Variants in NCKAP1 observed in about 807,000 individuals in gnomAD.
The protein encoded by NCKAP1 is nck-associated protein 1.
A neutral mutation model predicts 151.2 loss-of-function variants in NCKAP1; 21 were observed. That is an observed-to-expected ratio of 0.14 (90% CI 0.10 to 0.20). The LOEUF (loss-of-function observed/expected upper bound fraction) is 0.20, where lower values mean the gene tolerates loss of function less well. NCKAP1 is among the 10% of genes least tolerant of loss of function. The pLI, the probability that NCKAP1 is intolerant of heterozygous loss-of-function variation, is 1.00. For synonymous variants in NCKAP1, 484 were observed against 451.8 expected (o/e 1.07, Z -0.90); for missense variants, 933 against 1,352.1 (o/e 0.69, Z 4.86).
Position 182,976,963 on chromosome 2 carries a change from GAA to G in NCKAP1, c.1424-14_1424-13del, listed in dbSNP as rs144939357. 1.1e-3 allele frequency: 1,287 copies of G among 1,166,554 alleles called. No homozygotes were observed. The highest frequency in any genetic ancestry group is 2.2e-3 in the South Asian group (124 of 57,214). 72.3% of individuals were successfully genotyped at this position (1,166,554 alleles called of 1,614,324 possible). A position where few individuals can be genotyped will look rare whatever the true frequency, so the allele number is the denominator to read the frequency against. ...TTCCCCATCTTCAACTGTAGTAATA[GAA>G]AAAAAAAAAAGATTACAAAGCAAAT... On this transcript the variant is annotated splice_polypyrimidine_tract_variant and intron_variant, in intron 14 of 30. Transcript: ENST00000361354.
chr2:182,926,543 A>T (rs1318124039), intron 30 of NCKAP1, among the ~76,000 whole-genome samples: 1 of 152,078 alleles, frequency 6.6e-6, no homozygotes, highest in African/African-American at 2.4e-5. Flanking sequence ...CACTAGAAAA[A>T]TACAAGGCCT....
chr2:182,939,647 G>A (rs1006395062), intron 24 of NCKAP1, among the ~76,000 whole-genome samples: 2 of 151,962 alleles, frequency 1.3e-5, no homozygotes, highest in African/African-American at 4.8e-5. Flanking sequence ...TAAAAAGAAT[G>A]TGCTTGTTGA....
At position 183,013,322 on chromosome 2, in the gene NCKAP1, T is replaced by C. The variant is rs567446776; in HGVS notation, c.220-9997A>G. On this transcript the variant is annotated intron_variant, in intron 2 of 30. Transcript: ENST00000361354. ...CGTCTAATATTGAGCTACTGAGTAC[T>C]TCCCCCACTGCATTCACTGTACTAC... Among the ~76,000 whole-genome samples, 14 of 152,180 alleles carry C rather than the reference T, an allele frequency of 9.2e-5. No homozygotes were observed. The South Asian group carries it at 1.7e-3, about 18-fold the overall frequency.
chr2:182,983,551 C>T (rs764559539), intron 10 of NCKAP1, among the ~76,000 whole-genome samples, 169 bp from the exon 11 acceptor site: 30 of 152,178 alleles, frequency 2.0e-4, no homozygotes, highest in Non-Finnish European at 3.8e-4. Flanking sequence ...TCTAATCTTA[C>T]ATTTATCCTG....
chr2:182,969,502 T>C (rs1697642669), intron 15 of NCKAP1, among the ~76,000 whole-genome samples: 1 of 150,326 alleles, frequency 6.7e-6, no homozygotes, highest in Non-Finnish European at 1.5e-5. Context: ...AATAACCTAA[T>C]AATGTACCTT....
At chr2:183,034,382 GT>G (rs71405501) in intron 1 of NCKAP1, among the ~76,000 whole-genome samples, 344 of 147,966 alleles carry the variant, frequency 2.3e-3, no homozygotes, top group African/African-American at 6.0e-3. Flanking sequence ...AGTTGTATGG[GT>G]TTTTTTTTTT....
At position 182,910,958 on chromosome 2, in the gene NCKAP1, C is replaced by CG. The variant is rs59224919; in HGVS notation, c.*14743_*14744insC. 5.4e-5 allele frequency: 8 copies of CG among 147,884 alleles called. No individual in the cohort carries two copies. The highest frequency in any genetic ancestry group is 2.0e-4 in the African/African-American group (8 of 40,372). The allele number at this position is 147,884 out of a possible 1,614,324, so 9.2% of individuals were successfully genotyped here. On this transcript the variant is annotated 3_prime_UTR_variant, in exon 31 of 31. Transcript: ENST00000361354. ...AAAATAAAATCCTAAGCTCCCCCCC[C>CG]ACATTTGACTAAACAGACCCTCTCC...
intron 1 of NCKAP1, among the ~76,000 whole-genome samples, chr2:183,034,373 G>T (rs906089182): frequency 8.5e-6 from 1 of 117,078 alleles, no homozygotes; most frequent in African/African-American, 2.6e-5. Context: ...GTTTGTAATA[G>T]TTGTATGGGT....
chr2:182,932,709 C>G (rs1696791111), intron 26 of NCKAP1, among the ~76,000 whole-genome samples: 1 of 151,406 alleles, frequency 6.6e-6, no homozygotes, highest in Admixed American at 6.6e-5. Context: ...TTGCTGGAAA[C>G]TAAACATGAT....
chr2:182,973,172 GT>G (rs1697734341), intron 15 of NCKAP1, among the ~76,000 whole-genome samples: 1 of 151,874 alleles, frequency 6.6e-6, no homozygotes, highest in East Asian at 1.9e-4. Context: ...CAACTATTAT[GT>G]ATTCATAAAA....
chr2:183,036,530 T>C (rs1033944986), intron 1 of NCKAP1, among the ~76,000 whole-genome samples: 3 of 152,196 alleles, frequency 2.0e-5, no homozygotes, highest in African/African-American at 4.8e-5. Context: ...TCCTAACCTA[T>C]ATAAATTTAT....
chr2:183,027,005 CTCAA>C (rs1366596768), intron 1 of NCKAP1, among the ~76,000 whole-genome samples: 4 of 152,192 alleles, frequency 2.6e-5, no homozygotes, highest in African/African-American at 4.8e-5. Context: ...AATCCCCTCT[CTCAA>C]TCAAATATTT....
chr2:183,010,342 C>T (rs755003889), intron 2 of NCKAP1, among the ~76,000 whole-genome samples: 2 of 152,174 alleles, frequency 1.3e-5, no homozygotes, highest in East Asian at 1.9e-4. Flanking sequence ...CCTGAGATAT[C>T]GTATCACATA....
At position 182,967,364 on chromosome 2, in the gene NCKAP1, AT is replaced by A; in HGVS notation, c.1483-4del. ...GCCTTTGAGACACTAGTATATGCCT[AT>A]AAAGTACAAAAAAAAAAAAGTAGTT... On this transcript the variant is annotated splice_region_variant and splice_polypyrimidine_tract_variant and intron_variant, in intron 15 of 30. Coordinates refer to ENST00000361354, the MANE Select transcript of NCKAP1 (RefSeq NM_013436.5). 6.3e-7 allele frequency: 1 copy of A among 1,586,582 alleles called. No homozygotes were observed. Among genetic ancestry groups the A allele is most frequent in the Admixed American group, 1.9e-5 (1 of 52,074 alleles).
chr2:182,932,884 TTCAA>T (rs1488499645), intron 26 of NCKAP1, among the ~76,000 whole-genome samples: 1 of 152,198 alleles, frequency 6.6e-6, no homozygotes, highest in African/African-American at 2.4e-5. Context: ...GTACATAGTT[TTCAA>T]TCATAGAATC....
chr2:182,964,886 A>C, intron 16 of NCKAP1, 78 bp from the exon 17 acceptor site: 1 of 1,112,364 alleles, frequency 9.0e-7, no homozygotes, highest in Non-Finnish European at 1.2e-6. Flanking sequence ...AGTTAATTTG[A>C]TTCAAGTGAA....
chr2:182,928,635 T>C, intron 28 of NCKAP1, 148 bp downstream of exon 28: 1 of 552,484 alleles, frequency 1.8e-6, no homozygotes. Context: ...ACACATTTCA[T>C]ATATCAGGAA....
At chr2:183,032,778 A>G (rs1481077954) in intron 1 of NCKAP1, among the ~76,000 whole-genome samples, 1 of 152,202 alleles carries the variant, frequency 6.6e-6, no homozygotes, top group Non-Finnish European at 1.5e-5. Flanking sequence ...CAGGTGCGGT[A>G]GCTTACACCT....
At chr2:182,933,223 A>G (rs566505263) in intron 26 of NCKAP1, among the ~76,000 whole-genome samples, 136 of 152,276 alleles carry the variant, frequency 8.9e-4, no homozygotes, top group African/African-American at 3.1e-3. Context: ...GGTATTTTCA[A>G]GTAGAATAAA....
Sources: gnomAD v4.1 joint callset for allele counts (sites outside exome capture counted in the v4.1 genomes callset) on GRCh38, gnomAD v4.1.1 for gene constraint, MANE v1.5 for transcripts, NCBI Gene and HGNC (gene_info 2026-07-23, HGNC 2026-07-21) for gene names.